Variants in FBXO11 observed in about 807,000 individuals in gnomAD.
The protein encoded by FBXO11 is F-box protein 11.
FBXO11 carries 13 observed loss-of-function variants against 117.0 expected under a neutral mutation model. The ratio of observed to expected loss-of-function variants is 0.11; its 90% CI spans 0.07 to 0.18. The LOEUF (loss-of-function observed/expected upper bound fraction) is 0.18, where lower values mean the gene tolerates loss of function less well. Ranked by LOEUF, FBXO11 falls within the 10% of genes least tolerant of loss-of-function variation. FBXO11 has a pLI of 1.00. For synonymous variants in FBXO11, 490 were observed against 380.5 expected (o/e 1.29, Z -3.35); for missense variants, 767 against 1,164.4 (o/e 0.66, Z 4.97).
At chr2:47,837,627 G>C (rs1672686274) in intron 4 of FBXO11, among the ~76,000 whole-genome samples, 1 of 152,116 alleles carries the variant, frequency 6.6e-6, no homozygotes, top group South Asian at 2.1e-4. Context: ...AAGAACTATA[G>C]TTTCAATATA....
chr2:47,807,515 C>T lies in FBXO11; in HGVS notation c.*603G>A, dbSNP rs958657911. 4 of 208,960 alleles carry T rather than the reference C, an allele frequency of 1.9e-5. No homozygotes were observed. Among genetic ancestry groups the T allele is most frequent in the East Asian group, 1.5e-4 (2 of 13,552 alleles). 12.9% of individuals were successfully genotyped at this position (208,960 alleles called of 1,614,324 possible). On this transcript the variant is annotated 3_prime_UTR_variant, in exon 23 of 23. Transcript: ENST00000403359. Reference sequence around the variant, plus strand: ...AGTGTTTTCTCTTTCATAGAAAGAACGTACATACTGGGACATGAGTACAGT... The same window carrying T: ...AGTGTTTTCTCTTTCATAGAAAGAATGTACATACTGGGACATGAGTACAGT...
intron 14 of FBXO11, 23 bp from the exon 15 acceptor site, chr2:47,819,101 A>G (rs1332163776): frequency 2.5e-6 from 4 of 1,608,196 alleles, no homozygotes; most frequent in Non-Finnish European, 1.7e-6. Flanking sequence ...TACACTGGTT[A>G]TAATATTTAT....
intron 1 of FBXO11, among the ~76,000 whole-genome samples, chr2:47,850,240 G>A (rs1375470475): frequency 1.3e-5 from 2 of 152,146 alleles, no homozygotes; most frequent in African/African-American, 4.8e-5. Flanking sequence ...CATGTACTAA[G>A]GCAGTGACTT....
At chr2:47,817,208 C>T (rs1247227270) in intron 16 of FBXO11, among the ~76,000 whole-genome samples, 1 of 152,222 alleles carries the variant, frequency 6.6e-6, no homozygotes, top group South Asian at 2.1e-4. Flanking sequence ...CATGAATCAA[C>T]CTCTGCTAGC....
At position 47,808,924 on chromosome 2, in the gene FBXO11, T is replaced by G. The variant is rs531553753; in HGVS notation, c.2555+234A>C. On this transcript the variant is annotated intron_variant, in intron 21 of 22. Transcript: ENST00000403359. Reference sequence around the variant, plus strand: ...GTTGCCCAGGCTGGTTTAGAACTCCTGGGCTCCAGTGATCCTCCCACTTCA... The same window carrying G: ...GTTGCCCAGGCTGGTTTAGAACTCCGGGGCTCCAGTGATCCTCCCACTTCA... 5.9e-4 allele frequency: 228 copies of G among 384,596 alleles called. No homozygotes were observed. The South Asian group carries it at 6.8e-3, about 11-fold the overall frequency. The allele number at this position is 384,596 out of a possible 1,614,324, so 23.8% of individuals were successfully genotyped here. A position where few individuals can be genotyped will look rare whatever the true frequency, so the allele number is the denominator to read the frequency against.
intron 11 of FBXO11, among the ~76,000 whole-genome samples, chr2:47,825,893 A>G (rs1671718971): frequency 1.3e-5 from 2 of 151,878 alleles, no homozygotes; most frequent in African/African-American, 2.4e-5. Flanking sequence ...TCTGACTGGT[A>G]AACTTTTACA....
intron 1 of FBXO11, among the ~76,000 whole-genome samples, chr2:47,863,933 T>G (rs1674990513): frequency 6.7e-6 from 1 of 150,196 alleles, no homozygotes; most frequent in Admixed American, 6.6e-5. Context: ...AGAGTGAGAC[T>G]CTGTCTCAAA....
At chr2:47,838,062 A>C (rs1345219433) in intron 4 of FBXO11, among the ~76,000 whole-genome samples, 3 of 14,402 alleles carry the variant, frequency 2.1e-4, no homozygotes, top group South Asian at 4.5e-3. Context: ...CCTTTGTCTC[A>C]AAAAAAAAAA....
intron 1 of FBXO11, among the ~76,000 whole-genome samples, chr2:47,869,671 G>A (rs533453057): frequency 2.0e-5 from 3 of 152,170 alleles, no homozygotes; most frequent in South Asian, 4.1e-4. Flanking sequence ...TAGTTATAAA[G>A]AAGTTATAAA....
chr2:47,815,092 T>TA (rs1218485173), intron 16 of FBXO11, among the ~76,000 whole-genome samples: 1 of 152,236 alleles, frequency 6.6e-6, no homozygotes, highest in Non-Finnish European at 1.5e-5. Flanking sequence ...CAAAGTCTTA[T>TA]ACCCCTAAAG....
Position 47,819,084 on chromosome 2 carries a change from T to C in FBXO11, c.1798-6A>G, listed in dbSNP as rs1049187509. 1 of 1,612,372 alleles carries C rather than the reference T, an allele frequency of 6.2e-7. No individual in the cohort carries two copies. The highest frequency in any genetic ancestry group is 1.3e-5 in the African/African-American group (1 of 74,864). ...ACTCCTTGTCCCTTTTCATGCTAAATGAAAGTTACACTGGTTATAATATTT... is the reference window on the plus strand; with the variant it reads ...ACTCCTTGTCCCTTTTCATGCTAAACGAAAGTTACACTGGTTATAATATTT... On this transcript the variant is annotated splice_polypyrimidine_tract_variant and splice_region_variant and intron_variant, in intron 14 of 22. Transcript: ENST00000403359.
intron 1 of FBXO11, among the ~76,000 whole-genome samples, chr2:47,864,137 A>T (rs1675006943): frequency 6.6e-6 from 1 of 152,236 alleles, no homozygotes; most frequent in Admixed American, 6.5e-5. Flanking sequence ...CTTCACAGTT[A>T]TAAGACTAAC....
At chr2:47,855,900 G>T (rs1302233310) in intron 1 of FBXO11, among the ~76,000 whole-genome samples, 3 of 151,692 alleles carry the variant, frequency 2.0e-5, no homozygotes, top group Middle Eastern at 3.5e-3. Context: ...GTATTGCCTG[G>T]TAAGATATAG....
At chr2:47,882,454 G>A (rs1676502760) in intron 1 of FBXO11, among the ~76,000 whole-genome samples, 1 of 152,046 alleles carries the variant, frequency 6.6e-6, no homozygotes, top group Non-Finnish European at 1.5e-5. Flanking sequence ...CTTCAATTGT[G>A]TTTTTAACCA....
intron 1 of FBXO11, among the ~76,000 whole-genome samples, chr2:47,858,916 G>A (rs1443379303): frequency 6.6e-6 from 1 of 151,176 alleles, no homozygotes; most frequent in Non-Finnish European, 1.5e-5. Flanking sequence ...GCCCGCGCCT[G>A]TAATCCCAGC....
At chr2:47,844,508 T>TG (rs1158531842) in intron 1 of FBXO11, among the ~76,000 whole-genome samples, 2 of 150,944 alleles carry the variant, frequency 1.3e-5, no homozygotes, top group African/African-American at 4.9e-5. Flanking sequence ...AAAAGCCCCC[T>TG]GTGCTATATA....
In FBXO11 at chr2:47,809,285, T is replaced by G. The variant is rs955345212; in HGVS notation, c.2447-19A>C. 7.0e-7 allele frequency: 1 copy of G among 1,436,122 alleles called. No homozygotes were observed. The allele number at this position is 1,436,122 out of a possible 1,614,324, so 89.0% of individuals were successfully genotyped here. Reference sequence around the variant, plus strand: ...TTGTTATCTGTAATAAAAGAAAGAATAAGTAAAAATTCAGAGGAATGTTAA... The same window carrying G: ...TTGTTATCTGTAATAAAAGAAAGAAGAAGTAAAAATTCAGAGGAATGTTAA... On this transcript the variant is annotated intron_variant, in intron 20 of 22. Transcript: ENST00000403359.
intron 1 of FBXO11, among the ~76,000 whole-genome samples, chr2:47,904,628 T>A (rs1350457750): frequency 6.9e-6 from 1 of 145,646 alleles, no homozygotes; most frequent in African/African-American, 2.5e-5. Context: ...ACACAAAATA[T>A]CCCAAGGGGC....
chr2:47,823,210 C>G lies in FBXO11; in HGVS notation c.1549G>C (p.Glu517Gln). Residue 517 changes from glutamate (E) to glutamine (Q), a missense_variant, in exon 12 of 23, where the codon GAG becomes CAG. Glu to Gln is a conservative substitution (Grantham distance 29). Around this residue, in one of 10 missense-constraint regions of FBXO11, gnomAD observed 67 missense variants for 148.8 expected, o/e 0.45. Transcript: ENST00000403359. ...AAGTTGTTTGCATAGATTTTATTCT[C>G]TATGAATTGTCCTCTTCCTTTTTCA... ...VHEKGRGQFI[E>Q]NKIYANNFAG... 1.2e-6 allele frequency: 2 copies of G among 1,614,076 alleles called. No homozygotes were observed. Among genetic ancestry groups the G allele is most frequent in the Non-Finnish European group, 1.7e-6 (2 of 1,179,996 alleles).
Sources: allele counts gnomAD v4.1 joint callset (sites outside exome capture counted in the v4.1 genomes callset), GRCh38; gene constraint gnomAD v4.1.1; regional missense constraint gnomAD v4.1.1; transcripts MANE v1.5; gene names NCBI Gene and HGNC (gene_info 2026-07-23, HGNC 2026-07-21).